Variants in CHN2 observed in about 807,000 individuals in gnomAD.
CHN2 encodes beta-chimaerin.
A neutral mutation model predicts 56.3 loss-of-function variants in CHN2; 35 were observed. The ratio of observed to expected loss-of-function variants is 0.62; its 90% CI spans 0.47 to 0.82. The LOEUF is 0.82. CHN2 is among the 40% of genes least tolerant of loss of function. The probability of loss-of-function intolerance (pLI) is 0.00; values close to 1 mark genes in which losing one functional copy is unlikely to be tolerated. For synonymous variants in CHN2, 210 were observed against 212.8 expected (o/e 0.99, Z 0.12); for missense variants, 491 against 580.5 (o/e 0.85, Z 1.58).
intron 1 of CHN2, chr7:29,213,093 T>A: frequency 6.2e-7 from 1 of 1,603,622 alleles, no homozygotes; most frequent in Non-Finnish European, 8.5e-7. Context: ...ACTTGGAGGC[T>A]GCCTTGGAAG....
At chr7:29,396,715 A>ACCCACC (rs1161805810) in intron 4 of CHN2, 32 of 48,758 alleles carry the variant, frequency 6.6e-4, no homozygotes, top group African/African-American at 2.3e-3. Flanking sequence ...CTCCCCCCAC[A>ACCCACC]CCCACCCCCA....
intron 1 of CHN2, among the ~76,000 whole-genome samples, chr7:29,206,991 G>C (rs533918166): frequency 3.9e-5 from 6 of 152,296 alleles, no homozygotes; most frequent in African/African-American, 1.4e-4. Flanking sequence ...AGTTCTTTTT[G>C]TGGTAACGAA....
At chr7:29,406,591 C>T (rs1427316526) in intron 6 of CHN2, among the ~76,000 whole-genome samples, 1 of 152,084 alleles carries the variant, frequency 6.6e-6, no homozygotes, top group Non-Finnish European at 1.5e-5. Flanking sequence ...CTGCACACCA[C>T]CTTTATGAGA....
chr7:29,347,624 C>G (rs1188917335), intron 1 of CHN2, among the ~76,000 whole-genome samples: 1 of 152,158 alleles, frequency 6.6e-6, no homozygotes, highest in African/African-American at 2.4e-5. Flanking sequence ...ATCCAATCAC[C>G]TCCTACCGGG....
chr7:29,508,236 G>A (rs1484899132), intron 11 of CHN2, among the ~76,000 whole-genome samples: 1 of 151,870 alleles, frequency 6.6e-6, no homozygotes, highest in Non-Finnish European at 1.5e-5. Context: ...TGGCACTTGG[G>A]CCCACTGCTG....
intron 1 of CHN2, among the ~76,000 whole-genome samples, chr7:29,204,127 T>C (rs1784363918): frequency 6.8e-6 from 1 of 146,746 alleles, no homozygotes; most frequent in Non-Finnish European, 1.5e-5. Context: ...AGAAAACTCT[T>C]GCCTCATAGC....
In CHN2 at chr7:29,445,108, G is replaced by A. The variant is rs73687437; in HGVS notation, c.577-35171G>A. ...TGTTTGGTTAGTCATTCTCCTCCAC[G>A]CTTTCTTCTGGAACAGAAAGTTAGT... On this transcript the variant is annotated intron_variant, in intron 6 of 12. Transcript: ENST00000222792. 4.0e-3 allele frequency: 1,814 copies of A among 455,790 alleles called. 27 individuals are homozygous for A. The highest frequency in any genetic ancestry group is 0.033 in the African/African-American group (1,636 of 50,160). 28.2% of individuals were successfully genotyped at this position (455,790 alleles called of 1,614,324 possible).
chr7:29,185,284 A>G (rs1798570154), intron 2 of CHN2, among the ~76,000 whole-genome samples: 1 of 152,218 alleles, frequency 6.6e-6, no homozygotes, highest in Admixed American at 6.5e-5. Context: ...CCTATTGTTT[A>G]TGCTTATTCA....
chr7:29,197,266 C>T (rs981651205), intron 1 of CHN2, among the ~76,000 whole-genome samples: 1 of 152,182 alleles, frequency 6.6e-6, no homozygotes, highest in African/African-American at 2.4e-5. Flanking sequence ...ACCTCAGCTT[C>T]AAGAAGGCTA....
chr7:29,463,990 G>A (rs1055656990), intron 6 of CHN2, among the ~76,000 whole-genome samples: 2 of 152,162 alleles, frequency 1.3e-5, no homozygotes, highest in African/African-American at 4.8e-5. Flanking sequence ...TCACCTCATA[G>A]AAGAAAAAGG....
intron 1 of CHN2, among the ~76,000 whole-genome samples, chr7:29,352,668 AGC>A (rs775677775): frequency 3.3e-5 from 5 of 152,198 alleles, no homozygotes; most frequent in Non-Finnish European, 5.9e-5. Flanking sequence ...GGTTGCAGTG[AGC>A]CAAGATCATG....
At chr7:29,392,295 A>G (rs1028888673) in intron 3 of CHN2, among the ~76,000 whole-genome samples, 2 of 152,244 alleles carry the variant, frequency 1.3e-5, no homozygotes, top group African/African-American at 4.8e-5. Context: ...AAATGACAAC[A>G]TATTCAATTC....
At chr7:29,510,252 C>A (rs1467850581) in intron 12 of CHN2, among the ~76,000 whole-genome samples, 1 of 152,164 alleles carries the variant, frequency 6.6e-6, no homozygotes, top group Non-Finnish European at 1.5e-5. Context: ...TGTGACTCAG[C>A]TGGCTGCCTC....
At chr7:29,150,871 T>C (rs1433677832) in intron 2 of CHN2, among the ~76,000 whole-genome samples, 1 of 152,194 alleles carries the variant, frequency 6.6e-6, no homozygotes, top group Non-Finnish European at 1.5e-5. Flanking sequence ...CCACAATTAA[T>C]TGTTCAATAA....
At chr7:29,312,843 A>G (rs901272940) in intron 1 of CHN2, among the ~76,000 whole-genome samples, 1 of 152,132 alleles carries the variant, frequency 6.6e-6, no homozygotes, top group East Asian at 1.9e-4. Context: ...TTATACTTGC[A>G]AAATACCAGC....
At chr7:29,354,815 G>GA (rs1777157981) in intron 2 of CHN2, 152 bp downstream of exon 2, 1 of 684,532 alleles carries the variant, frequency 1.5e-6, no homozygotes, top group East Asian at 2.7e-5. Flanking sequence ...AGATTAGTCA[G>GA]AGACGATTAA....
chr7:29,272,113 A>G (rs1045750420), intron 1 of CHN2, among the ~76,000 whole-genome samples: 1 of 152,066 alleles, frequency 6.6e-6, no homozygotes, highest in Non-Finnish European at 1.5e-5. Context: ...ACTTTCAGAC[A>G]TGGAGGGGAT....
At chr7:29,195,243 G>A in intron 1 of CHN2, 1 of 430,336 alleles carries the variant, frequency 2.3e-6, no homozygotes, top group Non-Finnish European at 4.1e-6. Flanking sequence ...GTGTTCCGGG[G>A]CTTGGAGTGC....
At chr7:29,453,039 T>C (rs1475196504) in intron 6 of CHN2, among the ~76,000 whole-genome samples, 1 of 152,254 alleles carries the variant, frequency 6.6e-6, no homozygotes, top group Non-Finnish European at 1.5e-5. Flanking sequence ...AAATGCTAGC[T>C]GGTTGTTGAC....
Sources: allele counts gnomAD v4.1 joint callset (sites outside exome capture counted in the v4.1 genomes callset), GRCh38; gene constraint gnomAD v4.1.1; transcripts MANE v1.5; gene names NCBI Gene and HGNC (gene_info 2026-07-23, HGNC 2026-07-21).